KCNN2: variants seen among roughly 807,000 people sequenced by gnomAD.
KCNN2 encodes the protein potassium calcium-activated channel subfamily N member 2.
In KCNN2, 24 loss-of-function variants were observed where a neutral mutation model predicts 55.5. The ratio of observed to expected loss-of-function variants is 0.43; its 90% CI spans 0.31 to 0.61. KCNN2 has a LOEUF of 0.61. KCNN2 is among the 20% of genes least tolerant of loss of function. The pLI is 0.08. For synonymous variants in KCNN2, 431 were observed against 336.1 expected, an observed-to-expected ratio of 1.28 and a Z score of -3.09; for missense variants, 754 against 853.6, an observed-to-expected ratio of 0.88 and a Z score of 1.45.
intron 1 of KCNN2, among the ~76,000 whole-genome samples, chr5:114,068,260 A>G (rs1750491419): frequency 6.6e-6 from 1 of 152,246 alleles, no homozygotes. Context: ...TATTAAATAA[A>G]TTTCTGAATA....
chr5:114,077,161 A>G (rs1488912301), intron 1 of KCNN2, among the ~76,000 whole-genome samples: 2 of 152,210 alleles, frequency 1.3e-5, no homozygotes, highest in Non-Finnish European at 2.9e-5. Flanking sequence ...TGGAGTTATC[A>G]CTTGGCAGGC....
chr5:114,215,032 C>A (rs1391156894), intron 1 of KCNN2, among the ~76,000 whole-genome samples: 1 of 152,026 alleles, frequency 6.6e-6, no homozygotes. Context: ...TCCACAAAAC[C>A]ACAGGCTTAG....
At chr5:114,142,549 A>G (rs2112506758) in intron 1 of KCNN2, among the ~76,000 whole-genome samples, 1 of 152,306 alleles carries the variant, frequency 6.6e-6, no homozygotes, top group East Asian at 1.9e-4. Flanking sequence ...ATGGGCAAAG[A>G]TCACAGGCAT....
At chr5:114,069,847 A>C (rs1246603068) in intron 1 of KCNN2, among the ~76,000 whole-genome samples, 1 of 152,236 alleles carries the variant, frequency 6.6e-6, no homozygotes, top group African/African-American at 2.4e-5. Flanking sequence ...GAGATGGAAC[A>C]AAGGGAGTGC....
At chr5:114,389,319 C>A (rs1055218783) in intron 2 of KCNN2, among the ~76,000 whole-genome samples, 4 of 152,088 alleles carry the variant, frequency 2.6e-5, no homozygotes, top group African/African-American at 9.7e-5. Context: ...CTGTGTCCTT[C>A]CTGAAAAGAT....
intron 2 of KCNN2, among the ~76,000 whole-genome samples, chr5:114,349,457 A>C (rs1757169537): frequency 6.6e-6 from 1 of 152,070 alleles, no homozygotes; most frequent in East Asian, 1.9e-4. Flanking sequence ...AATTACCTTC[A>C]GGCTATGTGT....
At chr5:114,087,423 G>T (rs1751039631) in intron 1 of KCNN2, among the ~76,000 whole-genome samples, 1 of 152,082 alleles carries the variant, frequency 6.6e-6, no homozygotes, top group African/African-American at 2.4e-5. Context: ...TTACATTTAA[G>T]TCTTTAATCC....
At chr5:114,178,125 A>G (rs555971867) in intron 1 of KCNN2, among the ~76,000 whole-genome samples, 3 of 152,352 alleles carry the variant, frequency 2.0e-5, no homozygotes, top group African/African-American at 7.2e-5. Flanking sequence ...ATAATAAAAC[A>G]TGCTGAGATA....
intron 3 of KCNN2, among the ~76,000 whole-genome samples, chr5:114,417,661 G>A (rs1402985357): frequency 6.6e-6 from 1 of 152,152 alleles, no homozygotes; most frequent in Admixed American, 6.5e-5. Flanking sequence ...GGTTTGATGT[G>A]GTCAGGAAAA....
chr5:114,307,327 TG>T (rs1015254898), intron 2 of KCNN2, among the ~76,000 whole-genome samples: 1 of 152,180 alleles, frequency 6.6e-6, no homozygotes, highest in Admixed American at 6.6e-5. Flanking sequence ...CACCAACTCC[TG>T]GTTTAAAAGA....
chr5:114,133,709 G>A (rs1427410359), intron 1 of KCNN2, among the ~76,000 whole-genome samples: 3 of 152,140 alleles, frequency 2.0e-5, no homozygotes, highest in African/African-American at 4.8e-5. Context: ...TTTATATGGG[G>A]AATCAGATTA....
intron 1 of KCNN2, among the ~76,000 whole-genome samples, chr5:114,094,075 G>A (rs1357417025): frequency 1.3e-5 from 2 of 151,870 alleles, no homozygotes; most frequent in African/African-American, 4.9e-5. Context: ...AAATATATTT[G>A]TTTGTTTGGG....
chr5:114,461,939 A>T (rs1384886135), intron 3 of KCNN2, among the ~76,000 whole-genome samples: 1 of 152,182 alleles, frequency 6.6e-6, no homozygotes, highest in African/African-American at 2.4e-5. Context: ...GCAGAGCAAG[A>T]AATGAGGAAA....
At chr5:114,182,560 G>A (rs563275312) in intron 1 of KCNN2, among the ~76,000 whole-genome samples, 3 of 151,856 alleles carry the variant, frequency 2.0e-5, no homozygotes, top group Non-Finnish European at 4.4e-5. Context: ...GCCATCTTTG[G>A]TGGTTTTTAG....
At chr5:114,418,898 A>G (rs1759386409) in intron 3 of KCNN2, among the ~76,000 whole-genome samples, 1 of 152,182 alleles carries the variant, frequency 6.6e-6, no homozygotes, top group South Asian at 2.1e-4. Context: ...CCTCTGGGGA[A>G]AAAAAGGATC....
chr5:114,098,598 C>A (rs747876244), intron 1 of KCNN2, among the ~76,000 whole-genome samples: 2 of 151,964 alleles, frequency 1.3e-5, no homozygotes, highest in Non-Finnish European at 2.9e-5. Context: ...CCCACTCCCC[C>A]CTGCACAATT....
intron 3 of KCNN2, among the ~76,000 whole-genome samples, chr5:114,460,087 T>G (rs1761123375): frequency 6.6e-6 from 1 of 152,168 alleles, no homozygotes; most frequent in Non-Finnish European, 1.5e-5. Context: ...TAGAAAGACC[T>G]TCACACCCAT....
intron 3 of KCNN2, among the ~76,000 whole-genome samples, chr5:114,461,618 C>CAAAG (rs1179946000): frequency 2.6e-5 from 4 of 151,918 alleles, no homozygotes; most frequent in African/African-American, 9.7e-5. Context: ...CTTGTATGTC[C>CAAAG]AAAGATAGAG....
chr5:114,190,471 A>C (rs1753427340), intron 1 of KCNN2, among the ~76,000 whole-genome samples: 1 of 152,204 alleles, frequency 6.6e-6, no homozygotes. Context: ...GTAGAGCCAT[A>C]TATAGGGTGT....
Sources: allele counts gnomAD v4.1 joint callset (sites outside exome capture counted in the v4.1 genomes callset), GRCh38; gene constraint gnomAD v4.1.1; transcripts MANE v1.5; gene names NCBI Gene and HGNC (gene_info 2026-07-23, HGNC 2026-07-21).